FBXO36: variants seen among roughly 807,000 people sequenced by gnomAD.
FBXO36 encodes F-box only protein 36.
In FBXO36, 18 loss-of-function variants were observed where a neutral mutation model predicts 17.0. The ratio of observed to expected loss-of-function variants is 1.06; its 90% CI spans 0.73 to 1.57. The LOEUF (loss-of-function observed/expected upper bound fraction) is 1.57. Ranked by LOEUF, FBXO36 falls within the 40% of genes most tolerant of loss-of-function variation. The pLI, the probability that FBXO36 is intolerant of heterozygous loss-of-function variation, is 0.00. For missense variants in FBXO36, 229 were observed against 221.9 expected, an observed-to-expected ratio of 1.03 and a Z score of -0.20; for synonymous variants, 83 against 85.3, an observed-to-expected ratio of 0.97 and a Z score of 0.15.
intron 1 of FBXO36, among the ~76,000 whole-genome samples, chr2:229,955,396 G>A (rs1264363623): frequency 6.6e-6 from 1 of 151,980 alleles, no homozygotes; most frequent in Non-Finnish European, 1.5e-5. Flanking sequence ...CTTGCCTGTA[G>A]TCCCAGCTAC....
At chr2:229,972,685 A>G (rs765821263) in intron 1 of FBXO36, among the ~76,000 whole-genome samples, 3 of 151,820 alleles carry the variant, frequency 2.0e-5, no homozygotes, top group Non-Finnish European at 4.4e-5. Context: ...CAGCCTCCCA[A>G]AGTGGTTGCA....
rs141173901 is a variant in FBXO36 at position 229,930,580 on chromosome 2, G to A, written c.96+7971G>A. Among the ~76,000 whole-genome samples, 912 of 151,518 alleles carry A rather than the reference G, an allele frequency of 6.0e-3. 7 individuals carry two copies. Among genetic ancestry groups the A allele is most frequent in the African/African-American group, 0.021 (857 of 41,318 alleles). The stretch of plus-strand genomic sequence containing the variant: ...AGCCTAGCCAACGTGGTGAAACCCC[G>A]TCTTTACTAAAAATACAAAAATTAT... On this transcript the variant is annotated intron_variant, in intron 1 of 3. Transcript: ENST00000283946.
intron 2 of FBXO36, 47 bp downstream of exon 2, chr2:229,976,396 T>C: frequency 7.7e-7 from 1 of 1,291,774 alleles, no homozygotes; most frequent in Non-Finnish European, 1.1e-6. Context: ...TCTCATTAGT[T>C]AGTGGTAGAT....
intron 1 of FBXO36, among the ~76,000 whole-genome samples, chr2:229,957,222 G>A (rs500016): frequency 0.18 from 27,733 of 152,184 alleles, 2,741 homozygotes; most frequent in East Asian, 0.28. Context: ...AAGAAAGGAA[G>A]CCACACAGTA....
intron 3 of FBXO36, among the ~76,000 whole-genome samples, chr2:230,001,122 G>A (rs1469008529): frequency 1.3e-5 from 2 of 152,008 alleles, no homozygotes; most frequent in Non-Finnish European, 2.9e-5. Flanking sequence ...GCCTCCCAAA[G>A]TGTTGAGATT....
chr2:229,957,103 A>C (rs1239275406), intron 1 of FBXO36, among the ~76,000 whole-genome samples: 2 of 152,212 alleles, frequency 1.3e-5, no homozygotes, highest in Non-Finnish European at 2.9e-5. Flanking sequence ...TGTTATGTTT[A>C]ATAATTTTAG....
chr2:229,934,256 C>G (rs1186561471), intron 1 of FBXO36, among the ~76,000 whole-genome samples: 2 of 151,906 alleles, frequency 1.3e-5, no homozygotes, highest in East Asian at 3.9e-4. Flanking sequence ...AAAAAATTAG[C>G]TGGGCATGGT....
intron 1 of FBXO36, among the ~76,000 whole-genome samples, chr2:229,969,895 G>A (rs951449514): frequency 1.3e-5 from 2 of 152,050 alleles, no homozygotes; most frequent in African/African-American, 2.4e-5. Context: ...GTATTTCACC[G>A]AAGAGGATAT....
At chr2:230,000,355 CAAAAAAAAAAAAAAA>C (rs3086348) in intron 3 of FBXO36, among the ~76,000 whole-genome samples, 9 of 77,460 alleles carry the variant, frequency 1.2e-4, no homozygotes, top group African/African-American at 4.5e-4. Context: ...GAGACTGTCT[CAAAAAAAAAAAAAAA>C]AAAAAAAAGA....
At chr2:229,996,227 G>A (rs926782210) in intron 2 of FBXO36, among the ~76,000 whole-genome samples, 28 of 151,452 alleles carry the variant, frequency 1.8e-4, no homozygotes, top group African/African-American at 4.6e-4. Context: ...GCAGTGAGCC[G>A]CGATTGCACC....
intron 1 of FBXO36, 40 bp downstream of exon 1, chr2:229,922,649 T>A (rs370257979): frequency 1.3e-6 from 2 of 1,597,236 alleles, no homozygotes; most frequent in Admixed American, 3.4e-5. Flanking sequence ...CCTAACTCCC[T>A]ACCTGGCCCG....
intron 2 of FBXO36, among the ~76,000 whole-genome samples, chr2:229,982,353 T>C (rs1332077435): frequency 6.6e-6 from 1 of 151,864 alleles, no homozygotes; most frequent in Non-Finnish European, 1.5e-5. Context: ...AAGCCAACAA[T>C]GGCAGGTCTT....
chr2:229,942,033 T>A (rs549734065), intron 1 of FBXO36, among the ~76,000 whole-genome samples: 2 of 151,602 alleles, frequency 1.3e-5, no homozygotes, highest in African/African-American at 4.8e-5. Context: ...AAAAAAAAAA[T>A]TTAGATGGGC....
intron 1 of FBXO36, among the ~76,000 whole-genome samples, chr2:229,944,347 G>T (rs948176082): frequency 8.5e-5 from 13 of 152,058 alleles, no homozygotes; most frequent in African/African-American, 2.9e-4. Context: ...TTTACATTCC[G>T]CATTAAACAC....
At chr2:229,970,004 A>G (rs1404412824) in intron 1 of FBXO36, among the ~76,000 whole-genome samples, 2 of 152,204 alleles carry the variant, frequency 1.3e-5, no homozygotes, top group Non-Finnish European at 2.9e-5. Flanking sequence ...AAATAGTGAC[A>G]CTACCAAATG....
At chr2:229,933,109 T>A (rs993868597) in intron 1 of FBXO36, among the ~76,000 whole-genome samples, 1 of 152,116 alleles carries the variant, frequency 6.6e-6, no homozygotes, top group Non-Finnish European at 1.5e-5. Flanking sequence ...GAAGATTGTA[T>A]ATTAGAGGCT....
chr2:229,976,530 T>A (rs1577350964), intron 2 of FBXO36, 181 bp downstream of exon 2: 1 of 542,190 alleles, frequency 1.8e-6, no homozygotes, highest in Non-Finnish European at 3.2e-6. Context: ...GGAAAACATA[T>A]TAGCATTTGG....
intron 1 of FBXO36, among the ~76,000 whole-genome samples, chr2:229,938,988 C>T (rs2076982237): frequency 6.6e-6 from 1 of 151,600 alleles, no homozygotes; most frequent in Non-Finnish European, 1.5e-5. Context: ...CTCGAGCCAC[C>T]GCGCCCAGCC....
intron 1 of FBXO36, among the ~76,000 whole-genome samples, chr2:229,944,599 T>C (rs1185829442): frequency 1.1e-4 from 16 of 147,928 alleles, no homozygotes; most frequent in South Asian, 6.5e-4. Flanking sequence ...TTTCTTTTTT[T>C]TTTTTTTTTT....
Sources: gnomAD v4.1 joint callset for allele counts (sites outside exome capture counted in the v4.1 genomes callset) on GRCh38, gnomAD v4.1.1 for gene constraint, MANE v1.5 for transcripts, NCBI Gene and HGNC (gene_info 2026-07-23, HGNC 2026-07-21) for gene names.